The following GRHL2 variants were observed in gnomAD, a reference collection of about 807,000 sequenced individuals.
The protein encoded by GRHL2 is grainyhead like transcription factor 2, also known as grainyhead-like protein 2 homolog.
GRHL2 carries 21 observed loss-of-function variants against 83.8 expected under a neutral mutation model. The ratio of observed to expected loss-of-function variants is 0.25; its 90% CI spans 0.18 to 0.36. The LOEUF is 0.36. GRHL2 is among the 10% of genes least tolerant of loss of function. The pLI is 1.00. For synonymous variants in GRHL2, 280 were observed against 278.9 expected (o/e 1.00, Z -0.04); for missense variants, 623 against 781.8 (o/e 0.80, Z 2.42).
intron 7 of GRHL2, 114 bp downstream of exon 7, chr8:101,577,633 G>T (rs189622146): frequency 2.7e-6 from 2 of 742,564 alleles, no homozygotes; most frequent in Non-Finnish European, 4.8e-6. Context: ...CTTATGATGT[G>T]CCCGGCACTA....
chr8:101,535,196 G>A (rs1382727942), intron 1 of GRHL2, among the ~76,000 whole-genome samples: 1 of 152,186 alleles, frequency 6.6e-6, no homozygotes, highest in African/African-American at 2.4e-5. Context: ...ACCTTTGTGT[G>A]TGTTAACATT....
In GRHL2 at chr8:101,666,861, G is replaced by A. The variant is rs1814075439; in HGVS notation, c.*158G>A. On this transcript the variant is annotated 3_prime_UTR_variant, in exon 16 of 16. Transcript: ENST00000646743. ...AGTGGGGCAAGGGACAGGCCCCACT[G>A]TCGGTGTGCTTGGCCCATCCACTGG... 2 of 685,082 alleles carry A rather than the reference G, an allele frequency of 2.9e-6. No individual in the cohort carries two copies. The highest frequency in any genetic ancestry group is 5.4e-6 in the Non-Finnish European group (2 of 373,700). 42.4% of individuals were successfully genotyped at this position (685,082 alleles called of 1,614,324 possible).
chr8:101,563,812 G>T (rs1811658402), intron 4 of GRHL2, among the ~76,000 whole-genome samples: 2 of 151,868 alleles, frequency 1.3e-5, no homozygotes, highest in South Asian at 4.2e-4. Flanking sequence ...AAGTAGTGAG[G>T]GGTGCTTCTG....
At position 101,527,234 on chromosome 8, in the gene GRHL2, G is replaced by A. The variant is rs1563564989; in HGVS notation, c.21-16007G>A. ...ATTTCTATATCCTATCTTTATCCTAGTAATTGTTACCCTTGAACTTTTAAT... is the reference window on the plus strand; with the variant it reads ...ATTTCTATATCCTATCTTTATCCTAATAATTGTTACCCTTGAACTTTTAAT... On this transcript the variant is annotated intron_variant, in intron 1 of 15. Coordinates refer to ENST00000646743, the MANE Select transcript of GRHL2 (RefSeq NM_024915.4). Among the ~76,000 whole-genome samples, 5 of 152,116 alleles carry A rather than the reference G, an allele frequency of 3.3e-5. No homozygotes were observed. In the South Asian group the frequency reaches 8.3e-4, roughly 25 times the overall value.
intron 4 of GRHL2, among the ~76,000 whole-genome samples, chr8:101,564,793 C>G (rs1811682315): frequency 9.1e-6 from 1 of 109,436 alleles, no homozygotes; most frequent in Non-Finnish European, 1.7e-5. Flanking sequence ...ACTTGGGTGA[C>G]AGAGCAAGGC....
chr8:101,566,557 A>G (rs1811721047), intron 4 of GRHL2, among the ~76,000 whole-genome samples: 1 of 147,870 alleles, frequency 6.8e-6, no homozygotes, highest in Non-Finnish European at 1.5e-5. Context: ...AATAATATTT[A>G]TGTTATAACT....
chr8:101,528,139 C>T (rs1810845342), intron 1 of GRHL2, among the ~76,000 whole-genome samples: 1 of 152,078 alleles, frequency 6.6e-6, no homozygotes, highest in Non-Finnish European at 1.5e-5. Flanking sequence ...CCCTTTCATC[C>T]TCTTCACTGC....
intron 1 of GRHL2, among the ~76,000 whole-genome samples, chr8:101,508,836 A>G (rs977157825): frequency 1.3e-5 from 2 of 152,216 alleles, no homozygotes; most frequent in African/African-American, 2.4e-5. Context: ...AGAGACCCCA[A>G]AGATGAGACA....
intron 1 of GRHL2, among the ~76,000 whole-genome samples, chr8:101,538,703 T>C (rs1811092888): frequency 6.6e-6 from 1 of 152,228 alleles, no homozygotes; most frequent in Non-Finnish European, 1.5e-5. Context: ...TGAAAGTTGT[T>C]CTGTGAAACT....
rs77984682 is a variant in GRHL2, at chr8:101,669,254, C to CTTTTCATTTTTTT, written c.*2555_*2556insCATTTTTTTTTTT. 1 of 126,626 alleles carries CTTTTCATTTTTTT rather than the reference C, an allele frequency of 7.9e-6. No individual in the cohort carries two copies. The highest frequency in any genetic ancestry group is 2.2e-4 in the East Asian group (1 of 4,474). 7.8% of individuals were successfully genotyped at this position (126,626 alleles called of 1,614,324 possible). A position where few individuals can be genotyped will look rare whatever the true frequency, so the allele number is the denominator to read the frequency against. On this transcript the variant is annotated 3_prime_UTR_variant, in exon 16 of 16. Coordinates refer to ENST00000646743, the MANE Select transcript of GRHL2 (RefSeq NM_024915.4). ...GGACATGTGAAATGAGCATTTTTTT[C>CTTTTCATTTTTTT]TTTTTTTTTTTTAACAAAGTCTGAA...
intron 7 of GRHL2, among the ~76,000 whole-genome samples, chr8:101,585,314 G>A (rs1032538585): frequency 1.3e-5 from 2 of 152,068 alleles, no homozygotes; most frequent in Admixed American, 1.3e-4. Flanking sequence ...AAGTAAATAG[G>A]ATTTCATTTT....
chr8:101,672,521 A>T (rs1385234531), downstream of GRHL2, among the ~76,000 whole-genome samples: 3 of 151,656 alleles, frequency 2.0e-5, no homozygotes, highest in Admixed American at 2.0e-4. Context: ...ATAAGAAGAA[A>T]CAAACAAAGC....
At chr8:101,557,882 T>C (rs77910219) in intron 3 of GRHL2, among the ~76,000 whole-genome samples, 2,276 of 152,240 alleles carry the variant, frequency 0.015, 48 homozygotes, top group African/African-American at 0.052. Flanking sequence ...TTGTTTTGTT[T>C]TGAGACAGTT....
At chr8:101,652,663 A>G (rs2129716772) in intron 14 of GRHL2, among the ~76,000 whole-genome samples, 1 of 149,472 alleles carries the variant, frequency 6.7e-6, no homozygotes, top group Middle Eastern at 3.5e-3. Flanking sequence ...GGGTCGGCAT[A>G]TGGGCTTGGC....
the GRHL2 span, among the ~76,000 whole-genome samples, chr8:101,675,765 C>A: frequency 6.6e-6 from 1 of 152,014 alleles, no homozygotes. Flanking sequence ...AATCCTAAGC[C>A]GAAAGAACAA....
At chr8:101,593,639 G>T (rs150029941) in intron 7 of GRHL2, among the ~76,000 whole-genome samples, 1 of 152,088 alleles carries the variant, frequency 6.6e-6, no homozygotes, top group African/African-American at 2.4e-5. Context: ...ATATGTCCTC[G>T]TCCTAACTCC....
At chr8:101,634,432 G>T (rs1673801949) in intron 11 of GRHL2, among the ~76,000 whole-genome samples, 1 of 152,148 alleles carries the variant, frequency 6.6e-6, no homozygotes, top group African/African-American at 2.4e-5. Flanking sequence ...GAGGGAAGAG[G>T]CAGTGCCATG....
chr8:101,675,029 C>A, the GRHL2 span, among the ~76,000 whole-genome samples: 2 of 152,120 alleles, frequency 1.3e-5, no homozygotes, highest in Admixed American at 6.5e-5. Flanking sequence ...TAAAAACTCT[C>A]AATCAATTAG....
At chr8:101,587,223 C>T (rs1202517834) in intron 7 of GRHL2, among the ~76,000 whole-genome samples, 1 of 152,130 alleles carries the variant, frequency 6.6e-6, no homozygotes, top group Non-Finnish European at 1.5e-5. Context: ...TTTAATAAGC[C>T]TTTTCTGATA....
Sources: allele counts gnomAD v4.1 joint callset (sites outside exome capture counted in the v4.1 genomes callset), GRCh38; gene constraint gnomAD v4.1.1; transcripts MANE v1.5; gene names NCBI Gene and HGNC (gene_info 2026-07-23, HGNC 2026-07-21).